Variants in LNX1 observed in about 807,000 individuals in gnomAD.
The protein encoded by LNX1 is E3 ubiquitin-protein ligase LNX.
Under a neutral mutation model 68.4 loss-of-function variants are expected in LNX1, and 54 were observed. The observed-to-expected ratio is 0.79, with a 90% CI of 0.63 to 0.99. The LOEUF is 0.99. Ranked by LOEUF, LNX1 falls within the 50% of genes least tolerant of loss-of-function variation. The pLI is 0.00. For missense variants in LNX1, 906 were observed against 926.4 expected (o/e 0.98, Z 0.29); for synonymous variants, 336 against 350.0 (o/e 0.96, Z 0.45).
In LNX1 at chr4:53,605,751, G is replaced by A. The variant is rs540270358; in HGVS notation, c.-215+10766C>T. Among the ~76,000 whole-genome samples, 12 of 152,226 alleles carry A rather than the reference G, an allele frequency of 7.9e-5. No homozygotes were observed. The South Asian group carries it at 2.1e-3, about 26-fold the overall frequency. ...TTCCTCCATGTTGTCACAAATGAGAGGATCTCCTTTTTAACAGCTGAATAA... is the reference window on the plus strand; with the variant it reads ...TTCCTCCATGTTGTCACAAATGAGAAGATCTCCTTTTTAACAGCTGAATAA... On this transcript the variant is annotated intron_variant, in intron 2 of 3. Coordinates refer to the LNX1 transcript ENST00000504299.
intron 1 of LNX1, among the ~76,000 whole-genome samples, chr4:53,581,917 G>T (rs1025993731): frequency 6.6e-6 from 1 of 152,078 alleles, no homozygotes; most frequent in Non-Finnish European, 1.5e-5. Flanking sequence ...GTCTTTATTT[G>T]AATACATTTT....
chr4:53,480,814 C>T (rs1395568804), intron 7 of LNX1, among the ~76,000 whole-genome samples: 1 of 152,056 alleles, frequency 6.6e-6, no homozygotes, highest in Non-Finnish European at 1.5e-5. Flanking sequence ...CTATTCCAAC[C>T]AACATATAGA....
rs535802030 is a variant in LNX1 at position 53,498,007 on chromosome 4, T to C, written c.978+634A>G. Among the ~76,000 whole-genome samples the C allele has an allele frequency of 3.2e-4, 49 of 152,300 alleles. No homozygotes were observed. In the East Asian group the frequency reaches 8.9e-3, roughly 28 times the overall value. On this transcript the variant is annotated intron_variant, in intron 5 of 10. Transcript: ENST00000263925. The stretch of plus-strand genomic sequence containing the variant: ...ACTTCTGCCTGGTAAACAGATCTTT[T>C]TATCCTTTCTGTTCTGAAAATTCCT...
chr4:53,605,557 A>G (rs548618923), intron 2 of LNX1, among the ~76,000 whole-genome samples: 92 of 152,118 alleles, frequency 6.0e-4, no homozygotes, highest in African/African-American at 2.2e-3. Flanking sequence ...TATAACTACA[A>G]CTTTGTATCC....
At chr4:53,580,093 A>T (rs1731740313) in intron 1 of LNX1, among the ~76,000 whole-genome samples, 1 of 152,232 alleles carries the variant, frequency 6.6e-6, no homozygotes, top group African/African-American at 2.4e-5. Context: ...GAAGCCTGAC[A>T]GATGAGAAAG....
chr4:53,509,839 C>A (rs1305668257), intron 2 of LNX1, among the ~76,000 whole-genome samples: 1 of 152,170 alleles, frequency 6.6e-6, no homozygotes, highest in Non-Finnish European at 1.5e-5. Context: ...ACGTCACCAT[C>A]CCAGCACTGC....
chr4:53,626,650 C>T (rs1202628784), intron 1 of LNX1, among the ~76,000 whole-genome samples: 1 of 152,172 alleles, frequency 6.6e-6, no homozygotes, highest in Non-Finnish European at 1.5e-5. Flanking sequence ...AAAGTTACAT[C>T]TCTTCTCATT....
At chr4:53,595,568 C>T (rs1196803057), upstream of LNX1, among the ~76,000 whole-genome samples, 1 of 152,212 alleles carries the variant, frequency 6.6e-6, no homozygotes, top group African/African-American at 2.4e-5. Context: ...TTGCAGTCAA[C>T]ATATCCTGGA....
chr4:53,622,037 A>T (rs1246398334), upstream of LNX1, among the ~76,000 whole-genome samples: 1 of 152,178 alleles, frequency 6.6e-6, no homozygotes, highest in African/African-American at 2.4e-5. Flanking sequence ...GGTTTTATTT[A>T]AAAAGGACTT....
At chr4:53,645,506 T>A (rs540567553) in intron 1 of LNX1, among the ~76,000 whole-genome samples, 1 of 152,284 alleles carries the variant, frequency 6.6e-6, no homozygotes, top group South Asian at 2.1e-4. Flanking sequence ...GCCACTGAAA[T>A]TGCCTTCTGA....
intron 4 of LNX1, among the ~76,000 whole-genome samples, chr4:53,499,488 T>C (rs1304051274): frequency 6.6e-6 from 1 of 152,236 alleles, no homozygotes; most frequent in African/African-American, 2.4e-5. Context: ...CCTCATATCA[T>C]GCCCATAAAA....
Position 53,519,761 on chromosome 4 carries a change from A to G in LNX1, c.381-11534T>C, listed in dbSNP as rs150040275. On this transcript the variant is annotated intron_variant, in intron 2 of 10. Transcript: ENST00000263925. ...CTTTATTCATTTAATCTTCACAACA[A>G]CCTCATGAGATGGGCAGGATTATTA... Among the ~76,000 whole-genome samples the G allele has an allele frequency of 7.3e-4, 111 of 152,124 alleles. 5 individuals are homozygous for G. The East Asian group carries it at 0.021, about 29-fold the overall frequency.
Position 53,497,675 on chromosome 4 carries a change from GCAGCATAGTTTCCA to G in LNX1, c.978+952_978+965del, listed in dbSNP as rs769098124. Among the ~76,000 whole-genome samples the G allele has an allele frequency of 1.0e-3, 153 of 152,324 alleles. 1 individual carries two copies. Among genetic ancestry groups the G allele is most frequent in the Admixed American group, 2.4e-3 (37 of 15,310 alleles). ...ATGTTTTGTTATGCAACCCTGCCAG[GCAGCATAGTTTCCA>G]CTAGAACTGGGAGGCAGCAGTGCAC... On this transcript the variant is annotated intron_variant, in intron 5 of 10. Transcript: ENST00000263925.
At chr4:53,611,060 T>A (rs1363086358) in intron 2 of LNX1, among the ~76,000 whole-genome samples, 1 of 152,042 alleles carries the variant, frequency 6.6e-6, no homozygotes, top group African/African-American at 2.4e-5. Flanking sequence ...GAGGTAAAAC[T>A]GTCTATTTTT....
chr4:53,636,457 A>T (rs1429316472), intron 1 of LNX1, among the ~76,000 whole-genome samples: 9 of 152,086 alleles, frequency 5.9e-5, no homozygotes. Flanking sequence ...TGTCCCTCAG[A>T]GTAGAAAAAG....
At chr4:53,488,979 G>A (rs1724507678) in intron 6 of LNX1, among the ~76,000 whole-genome samples, 1 of 152,112 alleles carries the variant, frequency 6.6e-6, no homozygotes, top group Non-Finnish European at 1.5e-5. Flanking sequence ...CGAGTTGGAG[G>A]CTCCAGAAAT....
Position 53,483,429 on chromosome 4 carries a change from G to C in LNX1, c.1351-1575C>G, listed in dbSNP as rs78291969. On this transcript the variant is annotated intron_variant, in intron 6 of 10. Coordinates refer to ENST00000263925, the MANE Select transcript of LNX1 (RefSeq NM_001126328.3). ...AGATTAGTTTCACATGTGTCAGGTA[G>C]TATGGGCCATTATTCCAGAATTGCT... Among the ~76,000 whole-genome samples the C allele has an allele frequency of 8.6e-3, 1,313 of 152,312 alleles. 22 individuals are homozygous for C. Among genetic ancestry groups the C allele is most frequent in the African/African-American group, 0.03 (1,241 of 41,566 alleles).
chr4:53,619,502 C>T (rs574419311), upstream of LNX1, among the ~76,000 whole-genome samples: 2 of 152,098 alleles, frequency 1.3e-5, no homozygotes, highest in African/African-American at 2.4e-5. Flanking sequence ...AAGTTTCATG[C>T]GTGTTGGGTC....
intron 9 of LNX1, among the ~76,000 whole-genome samples, chr4:53,470,053 G>C (rs1244648201): frequency 1.3e-5 from 2 of 152,136 alleles, no homozygotes. Flanking sequence ...GAGAATTTGA[G>C]ACCAATATCC....
Sources: gnomAD v4.1 joint callset for allele counts (sites outside exome capture counted in the v4.1 genomes callset) on GRCh38, gnomAD v4.1.1 for gene constraint, MANE v1.5 for transcripts, NCBI Gene and HGNC (gene_info 2026-07-23, HGNC 2026-07-21) for gene names.